The following LMF2 variants were observed in gnomAD, a reference collection of about 807,000 sequenced individuals.
The protein encoded by LMF2 is transmembrane protein 112B.
In LMF2, 113 loss-of-function variants were observed where a neutral mutation model predicts 81.5. The ratio of observed to expected loss-of-function variants is 1.39; its 90% confidence interval spans 1.19 to 1.62. LMF2 has a LOEUF of 1.62. Among genes scored for constraint, LMF2 ranks in the 40% most tolerant of loss-of-function variants. LMF2 has a pLI of 0.00. For missense variants in LMF2, 1,235 were observed against 929.1 expected, an observed-to-expected ratio of 1.33 and a Z score of -4.28; for synonymous variants, 645 against 424.5, an observed-to-expected ratio of 1.52 and a Z score of -6.39.
chr22:50,505,081 G>T lies in LMF2; in HGVS notation c.1230C>A (p.Thr410=). The T allele has an allele frequency of 6.2e-7, 1 of 1,612,982 alleles. No homozygotes were observed. The highest frequency in any genetic ancestry group is 8.5e-7 in the Non-Finnish European group (1 of 1,179,980). The change falls in exon 9 of 14, where the codon ACC becomes ACA. Residue 410 remains threonine (T), a synonymous_variant. Coordinates refer to ENST00000474879, the MANE Select transcript of LMF2 (RefSeq NM_033200.3). ...CCAGGCTAATCAGGAACAAGGCCAC[G>T]GTCGCAGTGCCCACAAGGGACAGTT... ...VVQLSLVGTA[T]VALFLISLVP...
rs756547008 is a variant in LMF2, at chr22:50,505,735, C to T, written c.855G>A (p.Leu285=). The T allele has an allele frequency of 2.5e-6, 4 of 1,613,004 alleles. No homozygotes were observed. Among genetic ancestry groups the T allele is most frequent in the African/African-American group, 2.7e-5 (2 of 74,938 alleles). ...NLMTLVLTTA[L]LDDQHLAAEP... Reference sequence around the variant, plus strand: ...CAGCAGCCAGGTGCTGGTCGTCCAGCAGCGCAGTGGTAAGCACCAGCGTCA... The same window carrying T: ...CAGCAGCCAGGTGCTGGTCGTCCAGTAGCGCAGTGGTAAGCACCAGCGTCA... The change falls in exon 6 of 14, where the codon CTG becomes CTA. Residue 285 remains leucine, a synonymous_variant. Transcript: ENST00000474879.
intron 1 of LMF2, 53 bp downstream of exon 1, chr22:50,507,529 G>A: frequency 7.6e-7 from 1 of 1,324,076 alleles, no homozygotes; most frequent in East Asian, 2.5e-5. Context: ...AGAGAAAAGA[G>A]GACATAGGGT....
intron 11 of LMF2, 46 bp downstream of exon 11, chr22:50,504,513 C>A (rs1432624800): frequency 1.3e-6 from 2 of 1,513,382 alleles, no homozygotes; most frequent in South Asian, 2.4e-5. Context: ...CCTCCCCACC[C>A]CGCTCCACCC....
chr22:50,505,001 G>A lies in LMF2; in HGVS notation c.1255-17C>T, dbSNP rs1173808759. On this transcript the variant is annotated splice_polypyrimidine_tract_variant and intron_variant, in intron 9 of 13. Transcript: ENST00000474879. ...GTACGGCACCTGGAGACAGGTGGGA[G>A]GTTCTCAGGGCTGCCCTGCCCCCAG... 4 of 1,610,758 alleles carry A rather than the reference G, an allele frequency of 2.5e-6. No homozygotes were observed. The highest frequency in any genetic ancestry group is 3.4e-6 in the Non-Finnish European group (4 of 1,178,416).
rs991045577 is a variant in LMF2, at chr22:50,503,196, G to A, written c.*195C>T. On this transcript the variant is annotated 3_prime_UTR_variant, in exon 14 of 14. Coordinates refer to ENST00000474879, the MANE Select transcript of LMF2 (RefSeq NM_033200.3). Reference sequence around the variant, plus strand: ...ACAGAGGCAATAGTGGGAGTCCTGGGGAGGGGCATGGCTGGCGTGGGGGTG... The same window carrying A: ...ACAGAGGCAATAGTGGGAGTCCTGGAGAGGGGCATGGCTGGCGTGGGGGTG... 3 of 561,846 alleles carry A rather than the reference G, an allele frequency of 5.3e-6. No homozygotes were observed. Among genetic ancestry groups the A allele is most frequent in the South Asian group, 4.7e-5 (2 of 42,258 alleles). 34.8% of individuals were successfully genotyped at this position (561,846 alleles called of 1,614,324 possible). A position where few individuals can be genotyped will look rare whatever the true frequency, so the allele number is the denominator to read the frequency against.
At position 50,506,390 on chromosome 22, in the gene LMF2, C is replaced by T. The variant is rs2148648282; in HGVS notation, c.490G>A (p.Glu164Lys). ...QGRQAGALPH[E>K]DLPFWLVRWL... The stretch of plus-strand genomic sequence containing the variant: ...CGCACCAGCCAGAAGGGGAGGTCTT[C>T]GTGGGGCAGGGCCCCTGCCTGCCTG... Residue 164 changes from glutamate (E) to lysine (K), a missense_variant, in exon 4 of 14, where the codon GAA becomes AAA. Coordinates refer to ENST00000474879, the MANE Select transcript of LMF2 (RefSeq NM_033200.3). 7.1e-6 allele frequency: 11 copies of T among 1,549,902 alleles called. No individual in the cohort carries two copies. The highest frequency in any genetic ancestry group is 1.2e-5 in the South Asian group (1 of 84,154).
rs773104642 is a variant in LMF2 at position 50,504,668 on chromosome 22, G to A, written c.1497C>T (p.Pro499=). The change falls in exon 11 of 14, where the codon CCC becomes CCT. Residue 499 remains proline (P), a synonymous_variant. Transcript: ENST00000474879. ...NLSRPPPVVV[P]HQPRLDWQMW... ...TCTGCCAGTCCAGGCGTGGCTGGTG[G>A]GGCACCACAACCGGGGGCGGCCGGC... The A allele has an allele frequency of 3.0e-5, 49 of 1,608,846 alleles. No homozygotes were observed. The highest frequency in any genetic ancestry group is 4.2e-5 in the Non-Finnish European group (49 of 1,179,284).
chr22:50,506,583 CCCTCCCCCACCCCCTACCCAG>C, intron 3 of LMF2, 34 bp downstream of exon 3: 1 of 1,593,824 alleles, frequency 6.3e-7, no homozygotes, highest in Non-Finnish European at 8.6e-7. Context: ...AAGGGCAGAG[CCCTCCCCCACCCCCTACCCAG>C]CCTCCCACAG....
At position 50,503,479 on chromosome 22, in the gene LMF2, T is replaced by C. The variant is rs762048091; in HGVS notation, c.2036A>G (p.Gln679Arg). 6.3e-7 allele frequency: 1 copy of C among 1,594,168 alleles called. No homozygotes were observed. Among genetic ancestry groups the C allele is most frequent in the Non-Finnish European group, 8.5e-7 (1 of 1,173,322 alleles). Residue 679 changes from glutamine (Q) to arginine (R), a missense_variant, in exon 14 of 14, where the codon CAG becomes CGG. Physicochemically the swap from Gln to Arg is conservative, Grantham distance 43. Coordinates refer to ENST00000474879, the MANE Select transcript of LMF2 (RefSeq NM_033200.3). ...TTCGGAGGCAGCTCCGGAGTCTTTC[T>C]GGGAGGCTGGCCTGCGCTTCTCCCC... ...VSGEKRRPAS[Q>R]KDSGAASEQA...
chr22:50,504,722 G>T lies in LMF2; in HGVS notation c.1443C>A (p.Ile481=), dbSNP rs762838135. The part of the protein sequence containing the change: ...GSYDGHHWTE[I]EFMYKPGNLS... ...GGTTCCCAGGCTTGTACATGAACTC[G>T]ATCTCCTGCCAGGCAGGCCGAGGTC... The change falls in exon 11 of 14, where the codon ATC becomes ATA. Residue 481 remains isoleucine (I), a synonymous_variant. Coordinates refer to ENST00000474879, the MANE Select transcript of LMF2 (RefSeq NM_033200.3). 1 of 1,609,480 alleles carries T rather than the reference G, an allele frequency of 6.2e-7. No homozygotes were observed. Among genetic ancestry groups the T allele is most frequent in the Non-Finnish European group, 8.5e-7 (1 of 1,179,196 alleles).
chr22:50,507,482 C>T, intron 1 of LMF2, 100 bp downstream of exon 1: 1 of 957,018 alleles, frequency 1.0e-6, no homozygotes, highest in Non-Finnish European at 1.6e-6. Context: ...AGGCCTGGCC[C>T]TCACTCCCAA....
intron 1 of LMF2, chr22:50,507,286 A>C: frequency 1.6e-6 from 1 of 626,638 alleles, no homozygotes; most frequent in Non-Finnish European, 2.7e-6. Flanking sequence ...GCCCTCTTCC[A>C]GGTCTCAGCC....
In LMF2 at chr22:50,506,998, C is replaced by T. The variant is rs762385380; in HGVS notation, c.132G>A (p.Arg44=). ...YGPEGILPAR[R]TLRPQGKGRW... ...GCCCCTTGCCCTGAGGCCGCAGCGTCCTCCTTGCAGGTAGGATGCCCTCGG... is the reference window on the plus strand; with the variant it reads ...GCCCCTTGCCCTGAGGCCGCAGCGTTCTCCTTGCAGGTAGGATGCCCTCGG... Residue 44 remains arginine, a synonymous_variant, in exon 2 of 14, where the codon AGG becomes AGA. Coordinates refer to ENST00000474879, the MANE Select transcript of LMF2 (RefSeq NM_033200.3). 7 of 1,596,050 alleles carry T rather than the reference C, an allele frequency of 4.4e-6. No homozygotes were observed. Among genetic ancestry groups the T allele is most frequent in the East Asian group, 4.5e-5 (2 of 44,736 alleles).
chr22:50,507,684 C>T lies in LMF2; in HGVS notation c.-9G>A, dbSNP rs1003931996. 2.6e-6 allele frequency: 4 copies of T among 1,547,898 alleles called. No individual in the cohort carries two copies. The East Asian group carries it at 9.8e-5, about 38-fold the overall frequency. ...AGCCGGGAGCCCGCCATGTCCGCTA[C>T]GCGGCCCGCTAGAGCAGGGCCCGCC... On this transcript the variant is annotated 5_prime_UTR_variant, in exon 1 of 14. Coordinates refer to ENST00000474879, the MANE Select transcript of LMF2 (RefSeq NM_033200.3).
In LMF2 at chr22:50,506,020, G is replaced by T; in HGVS notation, c.774+15C>A. On this transcript the variant is annotated intron_variant, in intron 5 of 13. Transcript: ENST00000474879. ...CCCTGTCTGCCTCTCTCTGACAGCT[G>T]CGGCCCTCACCCACCTGCGAGTAGA... is the stretch of plus-strand genomic sequence containing the variant. The T allele has an allele frequency of 6.3e-7, 1 of 1,574,894 alleles. No individual in the cohort carries two copies. Among genetic ancestry groups the T allele is most frequent in the African/African-American group, 1.3e-5 (1 of 74,310 alleles).
At position 50,503,451 on chromosome 22, in the gene LMF2, CT is replaced by C. The variant is rs768718360; in HGVS notation, c.2063del (p.Gln688ArgfsTer51). 2.5e-6 allele frequency: 4 copies of C among 1,604,026 alleles called. No homozygotes were observed. Among genetic ancestry groups the C allele is most frequent in the Non-Finnish European group, 3.4e-6 (4 of 1,177,344 alleles). On this transcript the variant is annotated frameshift_variant, in exon 14 of 14. Coordinates refer to ENST00000474879, the MANE Select transcript of LMF2 (RefSeq NM_033200.3). LOFTEE classifies it low-confidence loss of function (END_TRUNC). ...SQKDSGAASE[Q>X]ATAAPNPCSS... ...AGCAGGGGTTGGGGGCTGCGGTGGC[CT>C]GTTCGGAGGCAGCTCCGGAGTCTTT... is the stretch of plus-strand genomic sequence containing the variant.
In LMF2 at chr22:50,505,458, C is replaced by G; in HGVS notation, c.996G>C (p.Val332=). The change falls in exon 7 of 14, where the codon GTG becomes GTC. Residue 332 remains valine, a synonymous_variant. Transcript: ENST00000474879. ...AVYGLLAYGT[V]HYFGLEVDWQ... ...AGTCAACCTCCAGGCCAAAGTAGTG[C>G]ACAGTGCCATAGGCCAGAAGCCCGT... 1 of 1,613,040 alleles carries G rather than the reference C, an allele frequency of 6.2e-7. No individual in the cohort carries two copies. The highest frequency in any genetic ancestry group is 8.5e-7 in the Non-Finnish European group (1 of 1,180,024).
At chr22:50,504,509 C>A in intron 11 of LMF2, 50 bp downstream of exon 11, 1 of 1,496,386 alleles carries the variant, frequency 6.7e-7, no homozygotes, top group Non-Finnish European at 9.0e-7. Flanking sequence ...CTCCCCTCCC[C>A]ACCCCGCTCC....
At position 50,507,661 on chromosome 22, in the gene LMF2, C is replaced by T; in HGVS notation, c.15G>A (p.Arg5=). Residue 5 remains arginine, a synonymous_variant, in exon 1 of 14, where the codon CGG becomes CGA. Coordinates refer to ENST00000474879, the MANE Select transcript of LMF2 (RefSeq NM_033200.3). ...CCTGGAGGAAGAGCTGCCGCGGGAG[C>T]CGGGAGCCCGCCATGTCCGCTACGC... is the stretch of plus-strand genomic sequence containing the variant. The part of the protein sequence containing the change: MAGS[R]LPRQLFLQGV... The T allele has an allele frequency of 6.5e-7, 1 of 1,549,882 alleles. No homozygotes were observed.
Sources: gnomAD v4.1 joint callset for allele counts on GRCh38, gnomAD v4.1.1 for gene constraint, MANE v1.5 for transcripts, NCBI Gene and HGNC (gene_info 2026-07-23, HGNC 2026-07-21) for gene names.